SGSM1: variants seen among roughly 807,000 people sequenced by gnomAD.
SGSM1 encodes the protein RUN and TBC1 domain containing 2.
In SGSM1, 73 loss-of-function variants were observed where a neutral mutation model predicts 133.8. The ratio of observed to expected loss-of-function variants is 0.55; its 90% CI spans 0.45 to 0.66. The LOEUF (loss-of-function observed/expected upper bound fraction) is 0.66. SGSM1 is among the 30% of genes least tolerant of loss of function. The probability of loss-of-function intolerance (pLI) is 0.00; values close to 1 mark genes in which losing one functional copy is unlikely to be tolerated. For missense variants in SGSM1, 1,213 were observed against 1,448.1 expected (o/e 0.84, Z 2.64); for synonymous variants, 563 against 573.0 (o/e 0.98, Z 0.25).
intron 16 of SGSM1, among the ~76,000 whole-genome samples, chr22:24,889,884 C>T (rs1292924592): frequency 7.0e-6 from 1 of 141,908 alleles, no homozygotes; most frequent in Non-Finnish European, 1.5e-5. Flanking sequence ...CTCCTGACCT[C>T]AAGTGATCCA....
intron 2 of SGSM1, chr22:24,814,125 C>T (rs572961622): frequency 6.6e-6 from 1 of 152,256 alleles, no homozygotes; most frequent in East Asian, 1.9e-4. Flanking sequence ...AGAGCCAAGT[C>T]TTTGTTTTTT....
chr22:24,881,586 C>A lies in SGSM1; in HGVS notation c.1495+2060C>A, dbSNP rs573338078. 3.3e-5 allele frequency among the ~76,000 whole-genome samples: 5 copies of A among 151,652 alleles called. No individual in the cohort carries two copies. The East Asian group carries it at 9.7e-4, about 29-fold the overall frequency. Reference sequence around the variant, plus strand: ...GTCTCAAAAACAAAACAAAACAAAACAAAACAAAAAAAACCAGCAACAACA... The same window carrying A: ...GTCTCAAAAACAAAACAAAACAAAAAAAAACAAAAAAAACCAGCAACAACA... On this transcript the variant is annotated intron_variant, in intron 14 of 24. Transcript: ENST00000400358.
chr22:24,882,754 T>C (rs1334307619), intron 14 of SGSM1, among the ~76,000 whole-genome samples: 1 of 152,046 alleles, frequency 6.6e-6, no homozygotes, highest in Non-Finnish European at 1.5e-5. Context: ...AGTAAGAACA[T>C]GTGATATTTG....
At chr22:24,875,972 GA>G (rs1329465993) in intron 12 of SGSM1, among the ~76,000 whole-genome samples, 4 of 152,220 alleles carry the variant, frequency 2.6e-5, no homozygotes, top group African/African-American at 9.6e-5. Context: ...GGATTTAGTT[GA>G]GTAGGCCAGG....
rs144627696 is a variant in SGSM1, at chr22:24,892,614, C to T, written c.1771-817C>T. ...ATTGAGTGGATAGGTGGGGGAAGGT[C>T]AGCATCTTGCTCATCTTGTATTCCA... On this transcript the variant is annotated intron_variant, in intron 16 of 24. Transcript: ENST00000400358. 1.9e-3 allele frequency among the ~76,000 whole-genome samples: 287 copies of T among 152,192 alleles called. 3 individuals carry two copies. The highest frequency in any genetic ancestry group is 6.7e-3 in the African/African-American group (279 of 41,502).
intron 21 of SGSM1, among the ~76,000 whole-genome samples, chr22:24,910,286 A>G (rs1933570810): frequency 6.6e-6 from 1 of 152,174 alleles, no homozygotes; most frequent in Non-Finnish European, 1.5e-5. Context: ...ATTGCACAAC[A>G]TTGTGAATGT....
intron 2 of SGSM1, among the ~76,000 whole-genome samples, chr22:24,830,124 C>T (rs903163845): frequency 6.6e-6 from 1 of 152,302 alleles, no homozygotes; most frequent in Non-Finnish European, 1.5e-5. Flanking sequence ...AGGGTAATAA[C>T]CTGTTACCCT....
intron 21 of SGSM1, among the ~76,000 whole-genome samples, chr22:24,909,819 C>G (rs116969735): frequency 1.3e-5 from 2 of 152,070 alleles, no homozygotes; most frequent in Non-Finnish European, 2.9e-5. Flanking sequence ...AGTTATCATA[C>G]GACCCAGCAA....
At position 24,905,293 on chromosome 22, in the gene SGSM1, G is replaced by A. The variant is rs1227527210; in HGVS notation, c.2818+106G>A. The A allele has an allele frequency of 9.5e-6, 11 of 1,154,426 alleles. No individual in the cohort carries two copies. In the South Asian group the frequency reaches 1.0e-4, roughly 11 times the overall value. The allele number at this position is 1,154,426 out of a possible 1,614,324, so 71.5% of individuals were successfully genotyped here. A position where few individuals can be genotyped will look rare whatever the true frequency, so the allele number is the denominator to read the frequency against. ...ACTCTGTAGAATGTGGCTCCAGCCAGGTGCTCTGAAGGCCTGTCTGGTGAA... is the reference window on the plus strand; with the variant it reads ...ACTCTGTAGAATGTGGCTCCAGCCAAGTGCTCTGAAGGCCTGTCTGGTGAA... On this transcript the variant is annotated intron_variant, in intron 21 of 24. Coordinates refer to ENST00000400358, the MANE Select transcript of SGSM1 (RefSeq NM_001098497.3).
Position 24,893,497 on chromosome 22 carries a change from G to GTGCGGCAGAGGGAGCGGGAGTCCCA in SGSM1, c.1844_1868dup (p.Ala624GlufsTer36). On this transcript the variant is annotated frameshift_variant, in exon 17 of 25. Coordinates refer to ENST00000400358, the MANE Select transcript of SGSM1 (RefSeq NM_001098497.3). LOFTEE classifies it high-confidence loss of function. ...TGAGTGGCTGGGCTGCGAGGCGATC[G>GTGCGGCAGAGGGAGCGGGAGTCCCA]TGCGGCAGAGGGAGCGGGAGTCCCA... The GTGCGGCAGAGGGAGCGGGAGTCCCA allele has an allele frequency of 1.2e-6, 2 of 1,613,676 alleles. No homozygotes were observed. Among genetic ancestry groups the GTGCGGCAGAGGGAGCGGGAGTCCCA allele is most frequent in the Non-Finnish European group, 1.7e-6 (2 of 1,179,766 alleles).
Position 24,807,888 on chromosome 22 carries a change from C to CGTGTGTGTGTGT in SGSM1, c.63+1417_63+1428dup, listed in dbSNP as rs71189301. On this transcript the variant is annotated intron_variant, in intron 2 of 24. Coordinates refer to ENST00000400358, the MANE Select transcript of SGSM1 (RefSeq NM_001098497.3). ...CTCCGGGAGCATGAGTATGTGCCTG[C>CGTGTGTGTGTGT]GTGTGTGTGTGTGTGTGTGTGTGTC... 4.5e-3 allele frequency among the ~76,000 whole-genome samples: 672 copies of CGTGTGTGTGTGT among 147,764 alleles called. 7 individuals carry two copies. Among genetic ancestry groups the CGTGTGTGTGTGT allele is most frequent in the African/African-American group, 0.015 (586 of 40,174 alleles).
chr22:24,859,932 C>A, intron 9 of SGSM1, 92 bp downstream of exon 9: 1 of 1,542,350 alleles, frequency 6.5e-7, no homozygotes, highest in South Asian at 1.2e-5. Context: ...GGTTTGTATC[C>A]CGCCCCTGCT....
intron 16 of SGSM1, among the ~76,000 whole-genome samples, chr22:24,892,819 C>T (rs1490335639): frequency 2.1e-5 from 3 of 146,294 alleles, no homozygotes; most frequent in East Asian, 2.0e-4. Flanking sequence ...GAGGCTGAGG[C>T]GGGCGGATCA....
chr22:24,871,735 G>T (rs1931774667), intron 12 of SGSM1, among the ~76,000 whole-genome samples: 1 of 152,190 alleles, frequency 6.6e-6, no homozygotes, highest in Non-Finnish European at 1.5e-5. Context: ...GTTTTGACTG[G>T]CAGGGAGAGG....
At chr22:24,874,582 A>G (rs1324517256) in intron 12 of SGSM1, 6 of 1,589,968 alleles carry the variant, frequency 3.8e-6, no homozygotes, top group Non-Finnish European at 5.1e-6. Context: ...GCCCCCCAGT[A>G]ATGTCTGGGA....
intron 2 of SGSM1, among the ~76,000 whole-genome samples, chr22:24,808,025 C>T (rs1339662232): frequency 6.6e-6 from 1 of 151,890 alleles, no homozygotes; most frequent in South Asian, 2.1e-4. Flanking sequence ...CAGAAAGGCC[C>T]AGAAGTTTTC....
chr22:24,885,950 GGAAGTAGATCATA>G (rs1444995574), intron 15 of SGSM1, among the ~76,000 whole-genome samples: 1 of 152,218 alleles, frequency 6.6e-6, no homozygotes, highest in East Asian at 1.9e-4. Flanking sequence ...GCTGGACCAC[GGAAGTAGATCATA>G]GAAGTAGATC....
chr22:24,857,447 TTTTTGTTTTG>T (rs911529397), intron 8 of SGSM1, among the ~76,000 whole-genome samples: 1 of 151,370 alleles, frequency 6.6e-6, no homozygotes, highest in African/African-American at 2.4e-5. Context: ...ATATACAGTG[TTTTTGTTTTG>T]TTTTGTTTTG....
At chr22:24,917,080 A>G (rs1057272832) in intron 22 of SGSM1, among the ~76,000 whole-genome samples, 3 of 141,634 alleles carry the variant, frequency 2.1e-5, no homozygotes, top group Non-Finnish European at 3.0e-5. Context: ...TTTTTTAGAG[A>G]CAGGGTCTTG....
Sources: allele counts gnomAD v4.1 joint callset (sites outside exome capture counted in the v4.1 genomes callset), GRCh38; gene constraint gnomAD v4.1.1; transcripts MANE v1.5; gene names NCBI Gene and HGNC (gene_info 2026-07-23, HGNC 2026-07-21).